Variants in DLGAP2 observed in about 807,000 individuals in gnomAD.
DLGAP2 encodes disks large-associated protein 2.
Under a neutral mutation model 100.3 loss-of-function variants are expected in DLGAP2, and 26 were observed. The ratio of observed to expected loss-of-function variants is 0.26; its 90% confidence interval spans 0.19 to 0.36. DLGAP2 has a LOEUF of 0.36. Among genes scored for constraint, DLGAP2 ranks in the 10% least tolerant of loss-of-function variants. The pLI, the probability that DLGAP2 is intolerant of heterozygous loss-of-function variation, is 1.00. For missense variants in DLGAP2, 1,858 were observed against 1,453.2 expected (o/e 1.28, Z -4.53); for synonymous variants, 886 against 630.1 (o/e 1.41, Z -6.08).
chr8:975,954 A>G (rs1800151856), intron 2 of DLGAP2, among the ~76,000 whole-genome samples: 1 of 152,184 alleles, frequency 6.6e-6, no homozygotes, highest in South Asian at 2.1e-4. Flanking sequence ...AATCCAAAGA[A>G]TCAACAAAAA....
intron 3 of DLGAP2, among the ~76,000 whole-genome samples, chr8:1,425,416 C>G (rs1321016229): frequency 6.6e-6 from 1 of 152,150 alleles, no homozygotes; most frequent in Non-Finnish European, 1.5e-5. Context: ...ACAGCATCGC[C>G]CATGGTACCA....
At chr8:934,816 G>A (rs1240862499) in intron 2 of DLGAP2, among the ~76,000 whole-genome samples, 2 of 152,192 alleles carry the variant, frequency 1.3e-5, no homozygotes, top group Non-Finnish European at 2.9e-5. Context: ...GTCTGAAGAA[G>A]AACAGATCAG....
intron 1 of DLGAP2, among the ~76,000 whole-genome samples, chr8:887,712 C>T (rs1797949763): frequency 6.6e-6 from 1 of 152,212 alleles, no homozygotes; most frequent in Non-Finnish European, 1.5e-5. Context: ...CCAGTCTCTT[C>T]TGGCGTGTAG....
intron 2 of DLGAP2, among the ~76,000 whole-genome samples, chr8:1,065,046 TCCCA>T (rs750845482): frequency 9.2e-5 from 14 of 152,188 alleles, no homozygotes. Context: ...AGTGGCTGAT[TCCCA>T]CCCACCAAAC....
intron 3 of DLGAP2, among the ~76,000 whole-genome samples, chr8:1,429,931 T>C (rs375143750): frequency 5.5e-5 from 8 of 144,306 alleles, no homozygotes; most frequent in South Asian, 4.6e-4. Context: ...CACGGCCTTC[T>C]GCTTAATTTT....
At chr8:1,607,692 G>A (rs973741401) in intron 6 of DLGAP2, among the ~76,000 whole-genome samples, 2 of 152,072 alleles carry the variant, frequency 1.3e-5, no homozygotes, top group Admixed American at 6.5e-5. Context: ...CGCACCGGGC[G>A]CGAGCCGAAG....
At chr8:782,314 T>A (rs1276625758) in intron 1 of DLGAP2, among the ~76,000 whole-genome samples, 1 of 152,142 alleles carries the variant, frequency 6.6e-6, no homozygotes, top group East Asian at 1.9e-4. Flanking sequence ...GGTAGTATCT[T>A]GATAGAATTT....
At chr8:1,239,391 T>C (rs376838748) in intron 2 of DLGAP2, among the ~76,000 whole-genome samples, 3 of 17,278 alleles carry the variant, frequency 1.7e-4, no homozygotes, top group African/African-American at 4.7e-4. Flanking sequence ...TCTCACGTGG[T>C]GCCGTGTCTA....
intron 4 of DLGAP2, among the ~76,000 whole-genome samples, chr8:1,518,170 C>A (rs1800460071): frequency 6.6e-6 from 1 of 152,192 alleles, no homozygotes; most frequent in Non-Finnish European, 1.5e-5. Context: ...TGTGACTTGT[C>A]CGTACCATTT....
chr8:997,084 T>C (rs1011985984), intron 2 of DLGAP2, among the ~76,000 whole-genome samples: 2 of 152,218 alleles, frequency 1.3e-5, no homozygotes, highest in African/African-American at 4.8e-5. Flanking sequence ...TGTGACGGAC[T>C]GTTTTGTTCA....
chr8:1,225,974 AAG>A (rs1250356380), intron 2 of DLGAP2, among the ~76,000 whole-genome samples: 2 of 151,966 alleles, frequency 1.3e-5, no homozygotes, highest in African/African-American at 2.4e-5. Flanking sequence ...ATATTTTAGA[AAG>A]ATATTTTTAC....
At chr8:1,233,870 A>T (rs1031032645) in intron 2 of DLGAP2, among the ~76,000 whole-genome samples, 1 of 152,226 alleles carries the variant, frequency 6.6e-6, no homozygotes, top group African/African-American at 2.4e-5. Context: ...TCCTCTACAC[A>T]TGATAGTGTC....
intron 3 of DLGAP2, among the ~76,000 whole-genome samples, chr8:1,329,422 G>A (rs189272205): frequency 2.6e-5 from 4 of 152,208 alleles, no homozygotes; most frequent in African/African-American, 4.8e-5. Flanking sequence ...TCCGTTTTTC[G>A]AAGGTCATTT....
chr8:750,025 C>T (rs1286215335), intron 1 of DLGAP2, among the ~76,000 whole-genome samples: 1 of 152,220 alleles, frequency 6.6e-6, no homozygotes, highest in Non-Finnish European at 1.5e-5. Flanking sequence ...GCGGTCAGGG[C>T]CCACTCAGAA....
chr8:1,494,444 C>T (rs1320579506), intron 3 of DLGAP2, among the ~76,000 whole-genome samples: 2 of 152,184 alleles, frequency 1.3e-5, no homozygotes, highest in Non-Finnish European at 2.9e-5. Flanking sequence ...AAATGAGGGG[C>T]CACTTGGGCA....
chr8:914,261 G>A (rs1017472663), intron 2 of DLGAP2, among the ~76,000 whole-genome samples: 1 of 152,172 alleles, frequency 6.6e-6, no homozygotes. Context: ...AGCCTCCCCC[G>A]TGACCCGCCT....
chr8:1,189,686 C>T (rs1210961630), intron 2 of DLGAP2, among the ~76,000 whole-genome samples: 1 of 152,122 alleles, frequency 6.6e-6, no homozygotes, highest in African/African-American at 2.4e-5. Flanking sequence ...CCGAGTTTTC[C>T]CCTCAGGAAG....
intron 2 of DLGAP2, among the ~76,000 whole-genome samples, chr8:1,142,395 G>A (rs764030694): frequency 2.1e-4 from 32 of 152,174 alleles, no homozygotes; most frequent in Non-Finnish European, 3.7e-4. Flanking sequence ...TCCCTTGAAC[G>A]TAGAGATTTG....
At chr8:898,807 C>T (rs1436994765) in intron 1 of DLGAP2, among the ~76,000 whole-genome samples, 1 of 152,188 alleles carries the variant, frequency 6.6e-6, no homozygotes, top group Non-Finnish European at 1.5e-5. Flanking sequence ...GTCACTCTCC[C>T]GTGTAAAATG....
Sources: gnomAD v4.1 joint callset for allele counts (sites outside exome capture counted in the v4.1 genomes callset) on GRCh38, gnomAD v4.1.1 for gene constraint, MANE v1.5 for transcripts, NCBI Gene and HGNC (gene_info 2026-07-23, HGNC 2026-07-21) for gene names.